Variants in CARD14 observed in about 807,000 individuals in gnomAD.
The protein encoded by CARD14 is caspase recruitment domain-containing protein 14.
In CARD14, 107 loss-of-function variants were observed where a neutral mutation model predicts 111.5. The ratio of observed to expected loss-of-function variants is 0.96; its 90% confidence interval spans 0.82 to 1.13. CARD14 has a LOEUF of 1.13. Among genes scored for constraint, CARD14 ranks in the 50% most tolerant of loss-of-function variants. The pLI, the probability that CARD14 is intolerant of heterozygous loss-of-function variation, is 0.00. For missense variants in CARD14, 1,322 were observed against 1,362.3 expected, an observed-to-expected ratio of 0.97 and a Z score of 0.47; for synonymous variants, 617 against 579.6, an observed-to-expected ratio of 1.06 and a Z score of -0.93.
chr17:80,198,831 C>G lies in CARD14; in HGVS notation c.1851+240C>G. 1 of 1,460,578 alleles carries G rather than the reference C, an allele frequency of 6.8e-7. No homozygotes were observed. The highest frequency in any genetic ancestry group is 1.5e-5 in the South Asian group (1 of 66,494). The allele number at this position is 1,460,578 out of a possible 1,614,324, so 90.5% of individuals were successfully genotyped here. The stretch of plus-strand genomic sequence containing the variant: ...CCATGCGGCGCTTCTGACCAGGGGT[C>G]TTTGCATGAGGCCCCTTGACAGGGC... On this transcript the variant is annotated intron_variant, in intron 16 of 23. Transcript: ENST00000648509. This position sits in a 1 kb window ranked among gnomAD's most constrained non-coding sequence, Gnocchi z 7.5.
chr17:80,206,069 A>C (rs1416803546), intron 22 of CARD14: 2 of 165,688 alleles, frequency 1.2e-5, no homozygotes, highest in African/African-American at 4.8e-5. Context: ...GCTCCATGCC[A>C]AGTTCACCTC....
intron 18 of CARD14, 23 bp downstream of exon 18, chr17:80,202,443 G>C: frequency 6.2e-7 from 1 of 1,603,760 alleles, no homozygotes; most frequent in Non-Finnish European, 8.5e-7. Flanking sequence ...CTCGAGCTCG[G>C]TGCGTCCCCA....
intron 7 of CARD14, among the ~76,000 whole-genome samples, chr17:80,187,421 G>T (rs1338099305): frequency 3.3e-5 from 5 of 152,230 alleles, no homozygotes; most frequent in Admixed American, 2.0e-4. Flanking sequence ...CTTCGTTGTG[G>T]TTATGGCGTC....
intron 4 of CARD14, among the ~76,000 whole-genome samples, chr17:80,180,202 G>A (rs1396604440): frequency 6.6e-6 from 1 of 152,180 alleles, no homozygotes; most frequent in East Asian, 1.9e-4. Flanking sequence ...AGCTCTTAGA[G>A]TCTGCACTAG....
At chr17:80,208,111 C>CG in intron 23 of CARD14, 27 bp from the exon 24 acceptor site, 1 of 1,482,700 alleles carries the variant, frequency 6.7e-7, no homozygotes, top group Non-Finnish European at 9.1e-7. Context: ...CCCCTGAGCC[C>CG]GCCCCCCCCA....
rs2040660684 is a variant in CARD14, at chr17:80,195,064, T to C, written c.1357-127T>C. 1.4e-5 allele frequency: 18 copies of C among 1,262,514 alleles called. No individual in the cohort carries two copies. The highest frequency in any genetic ancestry group is 1.9e-5 in the Non-Finnish European group (18 of 924,730). The allele number at this position is 1,262,514 out of a possible 1,614,324, so 78.2% of individuals were successfully genotyped here. ...GCGCATGTGACCCCATGTGTGTCCT[T>C]CTTTCCCCTCCTGCCTCCTCTCCAG... On this transcript the variant is annotated intron_variant, in intron 12 of 23. Transcript: ENST00000648509. The surrounding 1 kb of genome is among the most constrained non-coding windows in gnomAD (Gnocchi z 4.7).
chr17:80,204,161 C>T, intron 19 of CARD14, 66 bp from the exon 20 acceptor site: 2 of 1,477,338 alleles, frequency 1.4e-6, no homozygotes, highest in Non-Finnish European at 1.8e-6. Context: ...ATCATCTCCC[C>T]TGAATTCCCA....
intron 5 of CARD14, 150 bp downstream of exon 5, chr17:80,181,799 A>G (rs558098887): frequency 7.0e-6 from 5 of 714,086 alleles, no homozygotes; most frequent in Middle Eastern, 4.0e-4. Flanking sequence ...GATAACCAGG[A>G]TGATCTGATC....
intron 4 of CARD14, among the ~76,000 whole-genome samples, chr17:80,180,334 C>T (rs986693304): frequency 2.0e-5 from 3 of 152,238 alleles, no homozygotes; most frequent in Non-Finnish European, 4.4e-5. Context: ...TCAGCTGCAG[C>T]TCAGCCCTTT....
At chr17:80,191,158 T>C (rs943888885) in intron 10 of CARD14, among the ~76,000 whole-genome samples, 165 bp from the exon 11 acceptor site, 4 of 152,230 alleles carry the variant, frequency 2.6e-5, no homozygotes, top group African/African-American at 7.2e-5. Flanking sequence ...TTATCAACAC[T>C]GCACATGTGA....
rs12941951 is a variant in CARD14, at chr17:80,175,994, A to T, written c.-366-2514A>T. ...TTTTTTTTTTTTTTTTTTTTTTTTA[A>T]AAACGGGATCGTGCTATGTTGCTAG... On this transcript the variant is annotated intron_variant, in intron 2 of 23. Transcript: ENST00000648509. Among the ~76,000 whole-genome samples the T allele has an allele frequency of 6.1e-5, 2 of 32,736 alleles. 1 individual carries two copies. The highest frequency in any genetic ancestry group is 3.4e-3 in the South Asian group (2 of 586). The allele number at this position is 32,736 out of a possible 152,430, so 21.5% of individuals were successfully genotyped here.
intron 18 of CARD14, 132 bp downstream of exon 18, chr17:80,202,552 C>G: frequency 2.1e-6 from 3 of 1,459,804 alleles, no homozygotes; most frequent in Non-Finnish European, 1.8e-6. Context: ...AGGAGGGAAG[C>G]CTGCCAAGAT....
chr17:80,176,439 CAAAA>C (rs11290027), intron 2 of CARD14, among the ~76,000 whole-genome samples: 53 of 96,798 alleles, frequency 5.5e-4, no homozygotes, highest in Non-Finnish European at 8.2e-4. Flanking sequence ...GACCTTGTCT[CAAAA>C]AAAAAAAAAA....
chr17:80,201,576 GCC>G lies in CARD14; in HGVS notation c.1852-165_1852-164del. On this transcript the variant is annotated intron_variant, in intron 16 of 23. Coordinates refer to ENST00000648509, the MANE Select transcript of CARD14 (RefSeq NM_001366385.1). This position sits in a 1 kb window ranked among gnomAD's most constrained non-coding sequence, Gnocchi z 5.0. ...AGCACGCATCACTAGAGGTGTGAAG[GCC>G]CCACAGAGGCTCTGGTGTGTGGCTT... 1.4e-6 allele frequency: 1 copy of G among 694,586 alleles called. No individual in the cohort carries two copies. The highest frequency in any genetic ancestry group is 2.6e-6 in the Non-Finnish European group (1 of 391,564). The allele number at this position is 694,586 out of a possible 1,614,324, so 43.0% of individuals were successfully genotyped here.
intron 2 of CARD14, among the ~76,000 whole-genome samples, chr17:80,174,055 G>T (rs1480418719): frequency 6.6e-6 from 1 of 152,132 alleles, no homozygotes; most frequent in African/African-American, 2.4e-5. Context: ...AAAATCAACA[G>T]TGCTGGGTTT....
Position 80,209,328 on chromosome 17 carries a change from A to G in CARD14, c.*983A>G. 2.0e-6 allele frequency: 2 copies of G among 985,406 alleles called. No homozygotes were observed. The highest frequency in any genetic ancestry group is 2.4e-6 in the Non-Finnish European group (2 of 829,908). 61.0% of individuals were successfully genotyped at this position (985,406 alleles called of 1,614,324 possible). A position where few individuals can be genotyped will look rare whatever the true frequency, so the allele number is the denominator to read the frequency against. On this transcript the variant is annotated 3_prime_UTR_variant, in exon 24 of 24. Coordinates refer to ENST00000648509, the MANE Select transcript of CARD14 (RefSeq NM_001366385.1). ...TTTTACTAAAATAAAAAGCTTTTAC[A>G]ATAGCTGGCCTGTGGCCTCCTCCAG...
rs773973695 is a variant in CARD14 at position 80,202,423 on chromosome 17, G to A, written c.2219+3G>A. ...GGCACCATCCCCAACTACTCCAGGTGAGCAGCTGCCTCGAGCTCGGTGCGT... is the reference window on the plus strand; with the variant it reads ...GGCACCATCCCCAACTACTCCAGGTAAGCAGCTGCCTCGAGCTCGGTGCGT... On this transcript the variant is annotated splice_donor_region_variant and intron_variant, in intron 18 of 23. Transcript: ENST00000648509. 4.4e-6 allele frequency: 7 copies of A among 1,608,664 alleles called. No individual in the cohort carries two copies. Among genetic ancestry groups the A allele is most frequent in the Non-Finnish European group, 5.9e-6 (7 of 1,176,784 alleles).
chr17:80,181,673 A>G, intron 5 of CARD14, 24 bp downstream of exon 5: 1 of 1,522,960 alleles, frequency 6.6e-7, no homozygotes, highest in Non-Finnish European at 8.8e-7. Flanking sequence ...CCTCTTCCCC[A>G]CCTCTTCCAG....
At position 80,182,840 on chromosome 17, in the gene CARD14, G is replaced by A; in HGVS notation, c.349+50G>A. 2 of 1,609,044 alleles carry A rather than the reference G, an allele frequency of 1.2e-6. No individual in the cohort carries two copies. Among genetic ancestry groups the A allele is most frequent in the Non-Finnish European group, 8.5e-7 (1 of 1,176,416 alleles). On this transcript the variant is annotated intron_variant, in intron 6 of 23. Coordinates refer to ENST00000648509, the MANE Select transcript of CARD14 (RefSeq NM_001366385.1). This position sits in a 1 kb window ranked among gnomAD's most constrained non-coding sequence, Gnocchi z 4.7. ...TGGCAGGCACTTCTAGGAACCTCAG[G>A]CTCCTGGTAACCCCAGGTGCCCCGC...
Sources: gnomAD v4.1 joint callset for allele counts (sites outside exome capture counted in the v4.1 genomes callset) on GRCh38, gnomAD v4.1.1 for gene constraint, Gnocchi (gnomAD v3.1) non-coding constraint, MANE v1.5 for transcripts, NCBI Gene and HGNC (gene_info 2026-07-23, HGNC 2026-07-21) for gene names.